GLIPR1L2: variants seen among roughly 807,000 people sequenced by gnomAD.
GLIPR1L2 encodes the protein GLIPR1-like protein 2.
In GLIPR1L2, 21 loss-of-function variants were observed where a neutral mutation model predicts 28.4. The ratio of observed to expected loss-of-function variants is 0.74; its 90% confidence interval spans 0.52 to 1.06. The LOEUF (loss-of-function observed/expected upper bound fraction) is 1.06. GLIPR1L2 is among the 50% of genes least tolerant of loss of function. GLIPR1L2 has a pLI of 0.00. For synonymous variants in GLIPR1L2, 145 were observed against 139.3 expected (o/e 1.04, Z -0.29); for missense variants, 476 against 416.9 (o/e 1.14, Z -1.23).
intron 3 of GLIPR1L2, among the ~76,000 whole-genome samples, chr12:75,419,230 A>G (rs2045953938): frequency 1.3e-5 from 2 of 152,172 alleles, no homozygotes; most frequent in African/African-American, 2.4e-5. Flanking sequence ...GAAAATAGAC[A>G]TGACACCTCA....
In GLIPR1L2 at chr12:75,431,267, A is replaced by G. The variant is rs915614708; in HGVS notation, c.*106A>G. ...GTAAAACACTGAGTTTTAACAAGAAAGAAAATATGCAAACCACCATTGGAA... is the reference window on the plus strand; with the variant it reads ...GTAAAACACTGAGTTTTAACAAGAAGGAAAATATGCAAACCACCATTGGAA... On this transcript the variant is annotated 3_prime_UTR_variant, in exon 6 of 6. Transcript: ENST00000550916. 2.7e-5 allele frequency: 16 copies of G among 588,794 alleles called. No individual in the cohort carries two copies. In the African/African-American group the frequency reaches 3.0e-4, roughly 11 times the overall value. The allele number at this position is 588,794 out of a possible 1,614,324, so 36.5% of individuals were successfully genotyped here. A position where few individuals can be genotyped will look rare whatever the true frequency, so the allele number is the denominator to read the frequency against.
At chr12:75,409,699 CGATATATATATAAGATGTATATCT>C (rs1206907269) in intron 1 of GLIPR1L2, among the ~76,000 whole-genome samples, 348 of 137,248 alleles carry the variant, frequency 2.5e-3, no homozygotes, top group African/African-American at 8.9e-3. Context: ...ATATCTAATC[CGATATATATATAAGATGTATATCT>C]AATCCGATAT....
chr12:75,410,732 C>A, intron 2 of GLIPR1L2, 53 bp downstream of exon 2: 2 of 1,314,242 alleles, frequency 1.5e-6, no homozygotes, highest in Non-Finnish European at 2.1e-6. Flanking sequence ...TTGATTTATG[C>A]CTGGTTTTAT....
At chr12:75,402,842 G>T (rs2045757094) in intron 1 of GLIPR1L2, among the ~76,000 whole-genome samples, 1 of 152,094 alleles carries the variant, frequency 6.6e-6, no homozygotes, top group South Asian at 2.1e-4. Flanking sequence ...AATTCTCCAT[G>T]CACTGACTTC....
chr12:75,405,655 GTTTGC>G (rs753152470), intron 1 of GLIPR1L2, among the ~76,000 whole-genome samples: 2 of 151,972 alleles, frequency 1.3e-5, no homozygotes, highest in Non-Finnish European at 2.9e-5. Context: ...CAGTTTGCCA[GTTTGC>G]CAGCAACCCA....
intron 4 of GLIPR1L2, among the ~76,000 whole-genome samples, chr12:75,424,428 G>A (rs2046012640): frequency 6.6e-6 from 1 of 152,088 alleles, no homozygotes; most frequent in Non-Finnish European, 1.5e-5. Context: ...TTTTTCTCTT[G>A]TAGATTTGTT....
At chr12:75,424,075 A>G (rs2046008509) in intron 4 of GLIPR1L2, 1 of 152,196 alleles carries the variant, frequency 6.6e-6, no homozygotes, top group Non-Finnish European at 1.5e-5. Context: ...TTCTTTGGGT[A>G]TGTACCCAGT....
intron 1 of GLIPR1L2, chr12:75,403,096 C>T (rs781595509): frequency 1.4e-4 from 64 of 456,970 alleles, no homozygotes; most frequent in Non-Finnish European, 2.6e-4. Context: ...CCAAGTGCAC[C>T]CCTTTGAAGA....
chr12:75,417,094 C>T (rs1168414216), intron 3 of GLIPR1L2, among the ~76,000 whole-genome samples: 1 of 151,158 alleles, frequency 6.6e-6, no homozygotes, highest in Non-Finnish European at 1.5e-5. Context: ...GTCAATATTA[C>T]TTAAATGGCA....
chr12:75,425,800 ATAAAT>A (rs959432343), intron 4 of GLIPR1L2, among the ~76,000 whole-genome samples: 8 of 152,300 alleles, frequency 5.3e-5, no homozygotes, highest in South Asian at 2.1e-4. Flanking sequence ...GATCAAAAAA[ATAAAT>A]TAAAAGTATA....
At chr12:75,394,087 G>T (rs972176355) in intron 1 of GLIPR1L2, among the ~76,000 whole-genome samples, 1 of 151,908 alleles carries the variant, frequency 6.6e-6, no homozygotes, top group African/African-American at 2.4e-5. Flanking sequence ...TATTCAAGTC[G>T]TTTGCACATT....
chr12:75,399,559 G>A (rs189402539), intron 1 of GLIPR1L2, among the ~76,000 whole-genome samples: 1 of 152,214 alleles, frequency 6.6e-6, no homozygotes, highest in Admixed American at 6.5e-5. Flanking sequence ...ATAAGGATCT[G>A]TTAGTATCCT....
chr12:75,410,455 C>CG lies in GLIPR1L2; in HGVS notation c.258dup (p.Thr87AspfsTer3). 6.3e-7 allele frequency: 1 copy of CG among 1,594,500 alleles called. No homozygotes were observed. Among genetic ancestry groups the CG allele is most frequent in the African/African-American group, 1.3e-5 (1 of 74,298 alleles). ...TCAGACTTGGGATGTAGCTTTATCA[C>CG]GGACTGCTAGAGCATGGGGAAAAAA... On this transcript the variant is annotated frameshift_variant, in exon 2 of 6. Transcript: ENST00000550916. LOFTEE classifies it high-confidence loss of function.
rs745972832 is a variant in GLIPR1L2 at position 75,391,348 on chromosome 12, A to T, written c.232A>T (p.Met78Leu). 4 of 1,613,724 alleles carry T rather than the reference A, an allele frequency of 2.5e-6. No individual in the cohort carries two copies. Among genetic ancestry groups the T allele is most frequent in the Non-Finnish European group, 2.5e-6 (3 of 1,179,574 alleles). The change falls in exon 1 of 6, where the codon ATG (methionine) becomes TTG (leucine). Residue 78 changes from methionine to leucine, a missense_variant and splice_region_variant. Transcript: ENST00000550916. ...TCCCCGAGGGTCTAACTTGCGCTTCATGGTGAGGCCGGAAGGCGGTTTGCC... is the reference window on the plus strand; with the variant it reads ...TCCCCGAGGGTCTAACTTGCGCTTCTTGGTGAGGCCGGAAGGCGGTTTGCC... ...VIPRGSNLRF[M>L]TWDVALSRTA...
chr12:75,397,258 CT>C (rs1000015122), intron 1 of GLIPR1L2, among the ~76,000 whole-genome samples: 37 of 151,050 alleles, frequency 2.4e-4, no homozygotes, highest in Admixed American at 4.0e-4. Context: ...AATTTCTAGA[CT>C]TTTTTTTTAA....
At chr12:75,405,797 G>T (rs902598506) in intron 1 of GLIPR1L2, among the ~76,000 whole-genome samples, 1 of 152,044 alleles carries the variant, frequency 6.6e-6, no homozygotes, top group Non-Finnish European at 1.5e-5. Flanking sequence ...GAAAAGTCTT[G>T]TGAAAAGAAA....
intron 4 of GLIPR1L2, among the ~76,000 whole-genome samples, chr12:75,430,236 T>C (rs1243186435): frequency 2.0e-5 from 3 of 152,222 alleles, no homozygotes; most frequent in African/African-American, 4.8e-5. Context: ...ACTAAAAATA[T>C]TGAATGCCAG....
At chr12:75,415,855 T>C (rs1033234042) in intron 3 of GLIPR1L2, among the ~76,000 whole-genome samples, 1 of 152,136 alleles carries the variant, frequency 6.6e-6, no homozygotes, top group Admixed American at 6.6e-5. Flanking sequence ...TAAAGAAAAC[T>C]CTCTGCTTTT....
chr12:75,420,190 ATG>A (rs1416034348), intron 3 of GLIPR1L2, among the ~76,000 whole-genome samples: 1 of 152,172 alleles, frequency 6.6e-6, no homozygotes, highest in Non-Finnish European at 1.5e-5. Flanking sequence ...TGTACAGACT[ATG>A]TGAGTCTGGA....
Sources: gnomAD v4.1 joint callset for allele counts (sites outside exome capture counted in the v4.1 genomes callset) on GRCh38, gnomAD v4.1.1 for gene constraint, MANE v1.5 for transcripts, NCBI Gene and HGNC (gene_info 2026-07-23, HGNC 2026-07-21) for gene names.